The following ZNF322 variants were observed in gnomAD, a reference collection of about 807,000 sequenced individuals.
ZNF322 encodes the protein HLA complex group 12.
Under a neutral mutation model 18.3 loss-of-function variants are expected in ZNF322, and 1 was observed. The observed-to-expected ratio is 0.05, with a 90% CI of 0.02 to 0.26. The LOEUF (loss-of-function observed/expected upper bound fraction) is 0.26. Among genes scored for constraint, ZNF322 ranks in the 10% least tolerant of loss-of-function variants. The pLI is 1.00. For synonymous variants in ZNF322, 17 were observed against 130.7 expected, an observed-to-expected ratio of 0.13 and a Z score of 5.93; for missense variants, 36 against 403.6, an observed-to-expected ratio of 0.09 and a Z score of 7.80.
rs1367149799 is a variant in ZNF322 at position 26,659,509 on chromosome 6, T to A, written c.-403A>T. ...TCCGGTTACTCTCCGGACACTCGAA[T>A]CTGGGCTTCCTGGCGGCCGCAGACT... On this transcript the variant is annotated 5_prime_UTR_variant, in exon 1 of 4. Coordinates refer to ENST00000415922, the MANE Select transcript of ZNF322 (RefSeq NM_024639.5). The A allele has an allele frequency of 3.6e-5, 6 of 166,666 alleles. No individual in the cohort carries two copies. The highest frequency in any genetic ancestry group is 1.4e-4 in the African/African-American group (6 of 41,464). 10.3% of individuals were successfully genotyped at this position (166,666 alleles called of 1,614,324 possible). A position where few individuals can be genotyped will look rare whatever the true frequency, so the allele number is the denominator to read the frequency against.
rs190042073 is a variant in ZNF322, at chr6:26,640,361, A to C, written c.-175-1633T>G. On this transcript the variant is annotated intron_variant, in intron 3 of 3. Coordinates refer to ENST00000415922, the MANE Select transcript of ZNF322 (RefSeq NM_024639.5). Reference sequence around the variant, plus strand: ...TGATCCATTTCTCTGCTCTTCCTCTACTTACTCATTGCACTCCAGTCACCC... The same window carrying C: ...TGATCCATTTCTCTGCTCTTCCTCTCCTTACTCATTGCACTCCAGTCACCC... Among the ~76,000 whole-genome samples, 70 of 152,164 alleles carry C rather than the reference A, an allele frequency of 4.6e-4. 2 individuals carry two copies. In the East Asian group the frequency reaches 0.013, roughly 29 times the overall value.
chr6:26,649,316 C>T (rs1765609920), intron 2 of ZNF322, among the ~76,000 whole-genome samples: 1 of 151,978 alleles, frequency 6.6e-6, no homozygotes, highest in African/African-American at 2.4e-5. Flanking sequence ...GAAATAAACA[C>T]ATATAGAAAT....
intron 2 of ZNF322, among the ~76,000 whole-genome samples, chr6:26,657,855 T>C (rs1252212063): frequency 6.6e-6 from 1 of 152,006 alleles, no homozygotes; most frequent in African/African-American, 2.4e-5. Context: ...TCCTTCAGGA[T>C]GCTTCTCTTG....
chr6:26,645,681 ATAAT>A, intron 2 of ZNF322, among the ~76,000 whole-genome samples: 1 of 152,284 alleles, frequency 6.6e-6, no homozygotes, highest in Non-Finnish European at 1.5e-5. Context: ...TAAAAACCAA[ATAAT>A]TAAAGGTTAA....
chr6:26,639,056 G>A (rs543159477), intron 3 of ZNF322, among the ~76,000 whole-genome samples: 53 of 152,178 alleles, frequency 3.5e-4, no homozygotes, highest in African/African-American at 1.2e-3. Context: ...AAATCAAAAG[G>A]GACAGTGAAT....
At chr6:26,650,234 A>G (rs1382227056) in intron 2 of ZNF322, among the ~76,000 whole-genome samples, 1 of 152,200 alleles carries the variant, frequency 6.6e-6, no homozygotes, top group Non-Finnish European at 1.5e-5. Flanking sequence ...GTTCAATCTC[A>G]TAATTAGAGA....
At chr6:26,654,111 T>G (rs536160989) in intron 2 of ZNF322, among the ~76,000 whole-genome samples, 3 of 152,284 alleles carry the variant, frequency 2.0e-5, no homozygotes, top group Non-Finnish European at 4.4e-5. Flanking sequence ...GTAAATATAC[T>G]ATGGATAATG....
chr6:26,657,118 C>T (rs965528052), intron 2 of ZNF322, among the ~76,000 whole-genome samples: 1 of 151,978 alleles, frequency 6.6e-6, no homozygotes, highest in Non-Finnish European at 1.5e-5. Flanking sequence ...GGTGTGGTGG[C>T]GGGCGCCTGT....
chr6:26,655,002 G>T (rs188027616), intron 2 of ZNF322, among the ~76,000 whole-genome samples: 1 of 152,036 alleles, frequency 6.6e-6, no homozygotes, highest in Non-Finnish European at 1.5e-5. Context: ...TCACTTCTGC[G>T]GTATCTTGCC....
chr6:26,654,902 T>C (rs148986364), intron 2 of ZNF322, among the ~76,000 whole-genome samples: 1 of 152,250 alleles, frequency 6.6e-6, no homozygotes, highest in East Asian at 1.9e-4. Context: ...CACCTTAACC[T>C]AATGGTATCC....
chr6:26,648,612 A>G (rs1330737903), intron 2 of ZNF322, among the ~76,000 whole-genome samples: 1 of 152,236 alleles, frequency 6.6e-6, no homozygotes, highest in African/African-American at 2.4e-5. Context: ...AAAATTTGCC[A>G]CACAGAAACC....
chr6:26,652,487 GA>G (rs1765688951), intron 2 of ZNF322, among the ~76,000 whole-genome samples: 1 of 152,050 alleles, frequency 6.6e-6, no homozygotes. Flanking sequence ...TGAGGAGTTC[GA>G]GATCAGCCTG....
chr6:26,651,728 A>C (rs146070691), intron 2 of ZNF322, among the ~76,000 whole-genome samples: 2 of 152,336 alleles, frequency 1.3e-5, no homozygotes, highest in East Asian at 1.9e-4. Context: ...TCAATTAAAA[A>C]AAATTTACAA....
In ZNF322 at chr6:26,636,500, T is replaced by C. The variant is rs541453291; in HGVS notation, c.*845A>G. On this transcript the variant is annotated 3_prime_UTR_variant, in exon 4 of 4. Coordinates refer to ENST00000415922, the MANE Select transcript of ZNF322 (RefSeq NM_024639.5). ...ATTTCATGTAAAGTCCTCTCTACCA[T>C]ATGAGTCAACTAACTATGAGAACAG... The C allele has an allele frequency of 6.6e-6, 1 of 151,976 alleles. No individual in the cohort carries two copies. Among genetic ancestry groups the C allele is most frequent in the African/African-American group, 2.4e-5 (1 of 41,454 alleles). The allele number at this position is 151,976 out of a possible 1,614,324, so 9.4% of individuals were successfully genotyped here.
chr6:26,657,269 C>T (rs181873724), intron 2 of ZNF322, among the ~76,000 whole-genome samples: 293 of 151,896 alleles, frequency 1.9e-3, no homozygotes, highest in Non-Finnish European at 3.0e-3. Flanking sequence ...AAAAAAATCA[C>T]GACACTTCCC....
chr6:26,642,116 T>C (rs1299421121), intron 3 of ZNF322, among the ~76,000 whole-genome samples: 1 of 152,180 alleles, frequency 6.6e-6, no homozygotes, highest in Non-Finnish European at 1.5e-5. Context: ...TTCACTGCAC[T>C]GAGATGTTTG....
At chr6:26,658,383 T>C (rs1191075570) in intron 2 of ZNF322, among the ~76,000 whole-genome samples, 175 bp downstream of exon 2, 8 of 151,508 alleles carry the variant, frequency 5.3e-5, no homozygotes, top group Admixed American at 3.3e-4. Context: ...GAGTAGAAAA[T>C]AGCCTTAAGT....
Position 26,638,447 on chromosome 6 carries a change from A to C in ZNF322, c.107T>G (p.Ile36Ser). Reference protein sequence around the residue: ...KKIFIHMHEIIQIDGHIYQCL... With the variant: ...KKIFIHMHEISQIDGHIYQCL... ...CTGGTATATATGACCATCTATCTGA[A>C]TAATCTCATGCATATGAATAAAAAT... Residue 36 changes from isoleucine to serine, a missense_variant, in exon 4 of 4, where the codon ATT becomes AGT. Coordinates refer to ENST00000415922, the MANE Select transcript of ZNF322 (RefSeq NM_024639.5). 6.2e-7 allele frequency: 1 copy of C among 1,613,838 alleles called. No individual in the cohort carries two copies.
At chr6:26,640,276 A>G (rs1765444029) in intron 3 of ZNF322, among the ~76,000 whole-genome samples, 1 of 152,152 alleles carries the variant, frequency 6.6e-6, no homozygotes, top group Non-Finnish European at 1.5e-5. Flanking sequence ...CTACTCCACC[A>G]AAACTGCTTC....
Sources: allele counts gnomAD v4.1 joint callset (sites outside exome capture counted in the v4.1 genomes callset), GRCh38; gene constraint gnomAD v4.1.1; transcripts MANE v1.5; gene names NCBI Gene and HGNC (gene_info 2026-07-23, HGNC 2026-07-21).